ASF1A: variants seen among roughly 807,000 people sequenced by gnomAD.
The protein encoded by ASF1A is histone chaperone ASF1A.
Under a neutral mutation model 22.0 loss-of-function variants are expected in ASF1A, and 5 were observed. The ratio of observed to expected loss-of-function variants is 0.23; its 90% CI spans 0.12 to 0.48. ASF1A has a LOEUF of 0.48. ASF1A is among the 20% of genes least tolerant of loss of function. The probability of loss-of-function intolerance (pLI) is 0.99; values close to 1 mark genes in which losing one functional copy is unlikely to be tolerated. For missense variants in ASF1A, 137 were observed against 240.6 expected, an observed-to-expected ratio of 0.57 and a Z score of 2.85; for synonymous variants, 97 against 86.7, an observed-to-expected ratio of 1.12 and a Z score of -0.66.
In ASF1A at chr6:118,894,431, G is replaced by A. The variant is rs1459415096; in HGVS notation, c.18G>A (p.Val6=). 5 of 1,536,992 alleles carry A rather than the reference G, an allele frequency of 3.3e-6. No individual in the cohort carries two copies. Among genetic ancestry groups the A allele is most frequent in the South Asian group, 1.2e-5 (1 of 84,060 alleles). The change falls in exon 1 of 4, where the codon GTG becomes GTA. Residue 6 remains valine (V), a synonymous_variant. Coordinates refer to ENST00000229595, the MANE Select transcript of ASF1A (RefSeq NM_014034.3). The part of the protein sequence containing the change: MAKVQ[V]NNVVVLDNPS... ...TTCAAAATATGGCAAAGGTTCAGGT[G>A]AACAATGTAGTGGTGCTGGATAACC...
intron 1 of ASF1A, 99 bp from the exon 2 acceptor site, chr6:118,900,667 A>C: frequency 1.2e-6 from 1 of 831,058 alleles, no homozygotes; most frequent in Non-Finnish European, 2.1e-6. Context: ...GCCAATTTTA[A>C]AGCCAGTAAG....
chr6:118,895,845 T>C (rs540791708), intron 1 of ASF1A, among the ~76,000 whole-genome samples: 1 of 152,268 alleles, frequency 6.6e-6, no homozygotes, highest in South Asian at 2.1e-4. Context: ...AACTTTTCAT[T>C]TTAAAAACTA....
intron 1 of ASF1A, among the ~76,000 whole-genome samples, chr6:118,899,629 T>C (rs75262924): frequency 3.5e-4 from 54 of 152,324 alleles, no homozygotes; most frequent in African/African-American, 8.9e-4. Flanking sequence ...CAGAAAATGA[T>C]TGCTGACTTA....
chr6:118,902,669 T>A (rs1779885549), intron 2 of ASF1A, among the ~76,000 whole-genome samples: 1 of 152,106 alleles, frequency 6.6e-6, no homozygotes, highest in Non-Finnish European at 1.5e-5. Context: ...AAAAAAAATG[T>A]ATTCAAAAGT....
chr6:118,900,746 C>T lies in ASF1A; in HGVS notation c.110-20C>T, dbSNP rs1186974930. ...TGTAATTACTGAATATGAAATAATGCTTTGGTTTTTTAACCCTAGACTTGG... is the reference window on the plus strand; with the variant it reads ...TGTAATTACTGAATATGAAATAATGTTTTGGTTTTTTAACCCTAGACTTGG... On this transcript the variant is annotated intron_variant, in intron 1 of 3. Coordinates refer to ENST00000229595, the MANE Select transcript of ASF1A (RefSeq NM_014034.3). 2 of 1,492,500 alleles carry T rather than the reference C, an allele frequency of 1.3e-6. No homozygotes were observed. The highest frequency in any genetic ancestry group is 3.3e-5 in the Admixed American group (2 of 59,848). 92.5% of individuals were successfully genotyped at this position (1,492,500 alleles called of 1,614,324 possible). A position where few individuals can be genotyped will look rare whatever the true frequency, so the allele number is the denominator to read the frequency against.
intron 1 of ASF1A, among the ~76,000 whole-genome samples, chr6:118,897,144 T>C (rs1779477465): frequency 6.6e-6 from 1 of 152,140 alleles, no homozygotes; most frequent in African/African-American, 2.4e-5. Flanking sequence ...GCCCAAACTA[T>C]AGAATATTTT....
intron 3 of ASF1A, among the ~76,000 whole-genome samples, chr6:118,906,852 T>C (rs1374241705): frequency 6.6e-6 from 1 of 152,228 alleles, no homozygotes; most frequent in African/African-American, 2.4e-5. Context: ...ATGTTCTTTC[T>C]GATAATAAGG....
intron 3 of ASF1A, among the ~76,000 whole-genome samples, chr6:118,906,757 G>C (rs1780206482): frequency 6.6e-6 from 1 of 152,168 alleles, no homozygotes; most frequent in African/African-American, 2.4e-5. Context: ...TAACAGTTTG[G>C]TAACTGGTGA....
Sources: allele counts gnomAD v4.1 joint callset (sites outside exome capture counted in the v4.1 genomes callset), GRCh38; gene constraint gnomAD v4.1.1; transcripts MANE v1.5; gene names NCBI Gene and HGNC (gene_info 2026-07-23, HGNC 2026-07-21).